The following VANGL1 variants were observed in gnomAD, a reference collection of about 807,000 sequenced individuals.
VANGL1 encodes the protein vang-like protein 1.
Under a neutral mutation model 48.4 loss-of-function variants are expected in VANGL1, and 18 were observed. That is an observed-to-expected ratio of 0.37 (90% CI 0.26 to 0.55). The LOEUF is 0.55. Among genes scored for constraint, VANGL1 ranks in the 20% least tolerant of loss-of-function variants. VANGL1 has a pLI of 0.81. For missense variants in VANGL1, 667 were observed against 675.8 expected (o/e 0.99, Z 0.14); for synonymous variants, 257 against 261.8 (o/e 0.98, Z 0.18).
chr1:115,656,881 C>T (rs1652372472), intron 2 of VANGL1, among the ~76,000 whole-genome samples: 1 of 152,220 alleles, frequency 6.6e-6, no homozygotes, highest in Admixed American at 6.5e-5. Flanking sequence ...CAAGATTTGA[C>T]CCATGGGACT....
intron 3 of VANGL1, among the ~76,000 whole-genome samples, chr1:115,661,885 TA>T (rs2101333954): frequency 6.6e-6 from 1 of 152,338 alleles, no homozygotes; most frequent in South Asian, 2.1e-4. Flanking sequence ...CCCAAAGTGC[TA>T]GGATTACAGG....
At chr1:115,671,784 C>A (rs1414501070) in intron 4 of VANGL1, among the ~76,000 whole-genome samples, 1 of 152,190 alleles carries the variant, frequency 6.6e-6, no homozygotes, top group East Asian at 1.9e-4. Context: ...TGTGGCAGAG[C>A]CAAGCCCCTC....
chr1:115,669,633 CTGT>C (rs1557769606), intron 4 of VANGL1, among the ~76,000 whole-genome samples: 7 of 151,796 alleles, frequency 4.6e-5, no homozygotes, highest in Non-Finnish European at 8.8e-5. Flanking sequence ...TCTTCGTTGT[CTGT>C]AAGATGTGCC....
At chr1:115,646,747 A>T (rs955851812) in intron 1 of VANGL1, among the ~76,000 whole-genome samples, 1 of 152,138 alleles carries the variant, frequency 6.6e-6, no homozygotes, top group African/African-American at 2.4e-5. Flanking sequence ...CATGGAGCTT[A>T]CAGCCTGTGA....
At chr1:115,652,741 G>T (rs538065108) in intron 2 of VANGL1, among the ~76,000 whole-genome samples, 145 of 152,262 alleles carry the variant, frequency 9.5e-4, no homozygotes, top group African/African-American at 3.3e-3. Context: ...CTGTAAAACA[G>T]CAGTGAGCTA....
At chr1:115,652,333 G>GTC (rs1652183931) in intron 2 of VANGL1, among the ~76,000 whole-genome samples, 1 of 152,180 alleles carries the variant, frequency 6.6e-6, no homozygotes, top group Admixed American at 6.5e-5. Flanking sequence ...TAGAATGTTT[G>GTC]TTAAGTAGAA....
chr1:115,661,387 T>C (rs527303563), intron 3 of VANGL1, among the ~76,000 whole-genome samples: 7 of 152,268 alleles, frequency 4.6e-5, no homozygotes, highest in African/African-American at 1.7e-4. Flanking sequence ...TTTCTATCAC[T>C]GTAGATCAAT....
At chr1:115,648,531 C>T (rs1013664894) in intron 1 of VANGL1, among the ~76,000 whole-genome samples, 14 of 152,006 alleles carry the variant, frequency 9.2e-5, no homozygotes, top group African/African-American at 3.4e-4. Flanking sequence ...AATGAATGGC[C>T]ACAAGTTTTC....
intron 6 of VANGL1, among the ~76,000 whole-genome samples, chr1:115,684,296 GC>G (rs1057193920): frequency 1.3e-5 from 2 of 151,546 alleles, no homozygotes; most frequent in African/African-American, 4.9e-5. Context: ...CCACCACCAC[GC>G]CCGGCTAATA....
At chr1:115,673,965 C>T (rs1374851456) in intron 4 of VANGL1, among the ~76,000 whole-genome samples, 3 of 152,110 alleles carry the variant, frequency 2.0e-5, no homozygotes, top group African/African-American at 7.2e-5. Flanking sequence ...CTGCAAAGAC[C>T]CTGTGTCCAA....
At position 115,663,641 on chromosome 1, in the gene VANGL1, C is replaced by T; in HGVS notation, c.205-20C>T. 3.7e-6 allele frequency: 6 copies of T among 1,614,102 alleles called. No homozygotes were observed. The highest frequency in any genetic ancestry group is 5.1e-6 in the Non-Finnish European group (6 of 1,180,034). Reference sequence around the variant, plus strand: ...CAAATGACCTGTGTCATGTCATCCTCACTGTCTTCTCCCCACCAGGATGAC... The same window carrying T: ...CAAATGACCTGTGTCATGTCATCCTTACTGTCTTCTCCCCACCAGGATGAC... On this transcript the variant is annotated intron_variant, in intron 3 of 7. Transcript: ENST00000355485.
At chr1:115,687,981 G>GATAGACAC in intron 7 of VANGL1, among the ~76,000 whole-genome samples, 1 of 119,248 alleles carries the variant, frequency 8.4e-6, no homozygotes, top group African/African-American at 3.1e-5. Flanking sequence ...TAGATAGATA[G>GATAGACAC]ATAGATAGAC....
chr1:115,661,654 G>A (rs1570747986), intron 3 of VANGL1, among the ~76,000 whole-genome samples: 1 of 151,936 alleles, frequency 6.6e-6, no homozygotes, highest in Non-Finnish European at 1.5e-5. Context: ...GTCTTGTTCT[G>A]TCGCCCAGGC....
chr1:115,665,768 A>G (rs1053481727), intron 4 of VANGL1, among the ~76,000 whole-genome samples: 2 of 152,236 alleles, frequency 1.3e-5, no homozygotes, highest in African/African-American at 2.4e-5. Context: ...GCTTTGCTGC[A>G]TATTCATCTC....
intron 2 of VANGL1, among the ~76,000 whole-genome samples, chr1:115,657,978 A>T (rs1175868130): frequency 6.6e-6 from 1 of 152,228 alleles, no homozygotes; most frequent in Non-Finnish European, 1.5e-5. Context: ...TATCGTGAAG[A>T]TAGCACCAAG....
At chr1:115,662,100 AG>A (rs1183644447) in intron 3 of VANGL1, among the ~76,000 whole-genome samples, 1 of 152,192 alleles carries the variant, frequency 6.6e-6, no homozygotes, top group Non-Finnish European at 1.5e-5. Context: ...CGTCTGAAAT[AG>A]GAATTTCTCT....
intron 4 of VANGL1, among the ~76,000 whole-genome samples, chr1:115,669,649 G>A (rs888345064): frequency 2.5e-4 from 33 of 131,310 alleles, no homozygotes; most frequent in African/African-American, 8.2e-4. Context: ...GATGTGCCAT[G>A]TAAGATGTGC....
At chr1:115,648,134 A>G (rs1226371528) in intron 1 of VANGL1, among the ~76,000 whole-genome samples, 1 of 152,014 alleles carries the variant, frequency 6.6e-6, no homozygotes, top group Non-Finnish European at 1.5e-5. Flanking sequence ...CTGCAGAGAA[A>G]CTCTGCTAGG....
At chr1:115,659,922 A>G (rs1196762577) in intron 3 of VANGL1, 149 bp downstream of exon 3, 3 of 1,142,432 alleles carry the variant, frequency 2.6e-6, no homozygotes, top group Non-Finnish European at 3.8e-6. Flanking sequence ...TTGTTGGTCT[A>G]AGGACAGCCT....
Sources: gnomAD v4.1 joint callset for allele counts (sites outside exome capture counted in the v4.1 genomes callset) on GRCh38, gnomAD v4.1.1 for gene constraint, MANE v1.5 for transcripts, NCBI Gene and HGNC (gene_info 2026-07-23, HGNC 2026-07-21) for gene names.